Variants in SLC4A10 observed in about 807,000 individuals in gnomAD.
SLC4A10 encodes the protein sodium-driven chloride bicarbonate exchanger.
In SLC4A10, 42 loss-of-function variants were observed where a neutral mutation model predicts 137.7. The observed-to-expected ratio is 0.30, with a 90% confidence interval of 0.24 to 0.39. SLC4A10 has a LOEUF of 0.39. Ranked by LOEUF, SLC4A10 falls within the 10% of genes least tolerant of loss-of-function variation. SLC4A10 has a pLI of 1.00. For synonymous variants in SLC4A10, 474 were observed against 464.1 expected, an observed-to-expected ratio of 1.02 and a Z score of -0.27; for missense variants, 925 against 1,355.0, an observed-to-expected ratio of 0.68 and a Z score of 4.98.
chr2:161,700,448 C>A (rs1198873320), intron 1 of SLC4A10, among the ~76,000 whole-genome samples: 1 of 152,088 alleles, frequency 6.6e-6, no homozygotes, highest in Non-Finnish European at 1.5e-5. Context: ...GAAGAAGGAA[C>A]TGATCATCCT....
At chr2:161,730,969 C>G (rs1277482355) in intron 1 of SLC4A10, among the ~76,000 whole-genome samples, 1 of 152,124 alleles carries the variant, frequency 6.6e-6, no homozygotes, top group Non-Finnish European at 1.5e-5. Context: ...GATCCTAATT[C>G]CAATAACAAT....
chr2:161,705,122 T>G (rs182788296), intron 1 of SLC4A10, among the ~76,000 whole-genome samples: 1 of 151,630 alleles, frequency 6.6e-6, no homozygotes, highest in African/African-American at 2.4e-5. Context: ...GTGATTCTTA[T>G]AGTTTTTTTA....
At chr2:161,896,272 T>G (rs1408443243) in intron 11 of SLC4A10, among the ~76,000 whole-genome samples, 1 of 151,926 alleles carries the variant, frequency 6.6e-6, no homozygotes, top group Non-Finnish European at 1.5e-5. Flanking sequence ...CATTGATCTA[T>G]ATCTCTGTTT....
chr2:161,814,149 A>G (rs1397054140), intron 3 of SLC4A10, among the ~76,000 whole-genome samples: 1 of 152,114 alleles, frequency 6.6e-6, no homozygotes, highest in African/African-American at 2.4e-5. Flanking sequence ...AAGAAGACAT[A>G]TAAGCAGCCA....
intron 10 of SLC4A10, among the ~76,000 whole-genome samples, chr2:161,889,061 G>A (rs1340523512): frequency 6.6e-6 from 1 of 152,086 alleles, no homozygotes; most frequent in Non-Finnish European, 1.5e-5. Context: ...TTTGTCATTG[G>A]TTCCATTTAT....
intron 23 of SLC4A10, among the ~76,000 whole-genome samples, chr2:161,968,319 T>C (rs980495124): frequency 1.2e-4 from 18 of 152,196 alleles, no homozygotes; most frequent in African/African-American, 4.1e-4. Context: ...ATGAATCTCA[T>C]AGGGCAGAGA....
chr2:161,844,500 T>G (rs2059376704), intron 4 of SLC4A10, among the ~76,000 whole-genome samples: 1 of 152,094 alleles, frequency 6.6e-6, no homozygotes, highest in Non-Finnish European at 1.5e-5. Context: ...AAAGAGGATG[T>G]TTTTTTCTTG....
chr2:161,901,257 C>A (rs945626926), intron 12 of SLC4A10: 4 of 365,184 alleles, frequency 1.1e-5, no homozygotes, highest in Non-Finnish European at 2.0e-5. Context: ...GCATAAAATG[C>A]ATTCTCAGAT....
At chr2:161,715,675 T>A (rs1384394451) in intron 1 of SLC4A10, among the ~76,000 whole-genome samples, 1 of 152,072 alleles carries the variant, frequency 6.6e-6, no homozygotes, top group Non-Finnish European at 1.5e-5. Context: ...ATGATCTAAT[T>A]CCTTTCTATG....
intron 1 of SLC4A10, among the ~76,000 whole-genome samples, chr2:161,626,720 A>G (rs1454997012): frequency 6.6e-6 from 1 of 152,182 alleles, no homozygotes; most frequent in Admixed American, 6.5e-5. Flanking sequence ...GGGAGTCTGA[A>G]TAACATGTCT....
At chr2:161,804,616 T>C in intron 3 of SLC4A10, 21 bp downstream of exon 3, 3 of 1,581,750 alleles carry the variant, frequency 1.9e-6, no homozygotes, top group Non-Finnish European at 2.6e-6. Flanking sequence ...TTCTCCTTGT[T>C]TTTATTAAGT....
At chr2:161,945,871 C>T (rs949149853) in intron 16 of SLC4A10, among the ~76,000 whole-genome samples, 3 of 151,954 alleles carry the variant, frequency 2.0e-5, no homozygotes, top group African/African-American at 4.8e-5. Context: ...AACAAGATCC[C>T]GCCAAATGAC....
chr2:161,670,883 A>G (rs1329044307), intron 1 of SLC4A10, among the ~76,000 whole-genome samples: 1 of 152,058 alleles, frequency 6.6e-6, no homozygotes, highest in Non-Finnish European at 1.5e-5. Context: ...TAAGTATAAG[A>G]TATCGCTTCC....
chr2:161,680,127 C>G (rs1281830696), intron 1 of SLC4A10, among the ~76,000 whole-genome samples: 2 of 152,070 alleles, frequency 1.3e-5, no homozygotes, highest in African/African-American at 4.8e-5. Context: ...TTCGGATCCA[C>G]CATCTATGTC....
intron 1 of SLC4A10, among the ~76,000 whole-genome samples, chr2:161,757,936 A>G (rs1032303180): frequency 6.6e-6 from 1 of 152,036 alleles, no homozygotes; most frequent in African/African-American, 2.4e-5. Context: ...GAAGAGAATA[A>G]ATAATGTAGG....
intron 1 of SLC4A10, among the ~76,000 whole-genome samples, chr2:161,755,771 A>T (rs1362432065): frequency 1.6e-4 from 22 of 140,390 alleles, no homozygotes; most frequent in Admixed American, 1.1e-3. Context: ...CGTTCCTTAA[A>T]TTTTTTTTTT....
At chr2:161,771,386 T>C (rs773508306) in intron 2 of SLC4A10, among the ~76,000 whole-genome samples, 17 of 151,770 alleles carry the variant, frequency 1.1e-4, no homozygotes, top group Non-Finnish European at 2.4e-4. Flanking sequence ...TCAAGTGCTG[T>C]GTGAGAGGTG....
At chr2:161,749,079 A>C (rs1479565291) in intron 1 of SLC4A10, among the ~76,000 whole-genome samples, 2 of 151,846 alleles carry the variant, frequency 1.3e-5, no homozygotes, top group East Asian at 1.9e-4. Context: ...TCTCAGATAG[A>C]TTGTTTTTAG....
intron 1 of SLC4A10, among the ~76,000 whole-genome samples, chr2:161,709,520 G>A (rs905686367): frequency 2.0e-5 from 3 of 151,562 alleles, no homozygotes; most frequent in African/African-American, 7.3e-5. Flanking sequence ...TAGAAGAAAG[G>A]AGACTATAAA....
Sources: gnomAD v4.1 joint callset for allele counts (sites outside exome capture counted in the v4.1 genomes callset) on GRCh38, gnomAD v4.1.1 for gene constraint, MANE v1.5 for transcripts, NCBI Gene and HGNC (gene_info 2026-07-23, HGNC 2026-07-21) for gene names.